Variants in LIMCH1 observed in about 807,000 individuals in gnomAD.
LIMCH1 encodes LIM and calponin homology domains-containing protein 1.
Under a neutral mutation model 176.5 loss-of-function variants are expected in LIMCH1, and 113 were observed. The ratio of observed to expected loss-of-function variants is 0.64; its 90% CI spans 0.55 to 0.75. The LOEUF (loss-of-function observed/expected upper bound fraction) is 0.75, where lower values mean the gene tolerates loss of function less well. Among genes scored for constraint, LIMCH1 ranks in the 30% least tolerant of loss-of-function variants. The pLI, the probability that LIMCH1 is intolerant of heterozygous loss-of-function variation, is 0.00. For missense variants in LIMCH1, 1,674 were observed against 1,814.9 expected, an observed-to-expected ratio of 0.92 and a Z score of 1.41; for synonymous variants, 619 against 645.9, an observed-to-expected ratio of 0.96 and a Z score of 0.63.
At chr4:41,427,767 C>T (rs2061243987) in intron 1 of LIMCH1, among the ~76,000 whole-genome samples, 1 of 152,116 alleles carries the variant, frequency 6.6e-6, no homozygotes, top group African/African-American at 2.4e-5. Flanking sequence ...CTTACCAAAA[C>T]AGGACGTCTT....
At chr4:41,656,184 GT>G (rs1484578928) in intron 18 of LIMCH1, among the ~76,000 whole-genome samples, 1 of 152,148 alleles carries the variant, frequency 6.6e-6, no homozygotes, top group Non-Finnish European at 1.5e-5. Context: ...CAGTACTTAT[GT>G]TTTCTGATCC....
intron 6 of LIMCH1, 68 bp downstream of exon 6, chr4:41,619,508 GA>G: frequency 6.3e-7 from 1 of 1,582,106 alleles, no homozygotes; most frequent in Non-Finnish European, 8.6e-7. Context: ...GCAGCTCCTG[GA>G]CAGGAACGAG....
intron 17 of LIMCH1, among the ~76,000 whole-genome samples, chr4:41,648,661 GTGT>G (rs1157098805): frequency 2.7e-5 from 3 of 109,794 alleles, no homozygotes; most frequent in African/African-American, 9.0e-5. Context: ...GGGTAGGGGT[GTGT>G]GTGTGTGTGT....
At chr4:41,371,033 A>G (rs745475259) in intron 1 of LIMCH1, among the ~76,000 whole-genome samples, 2 of 152,200 alleles carry the variant, frequency 1.3e-5, no homozygotes, top group Non-Finnish European at 2.9e-5. Flanking sequence ...CCGCTGCCTT[A>G]TCCTTAACAG....
At chr4:41,610,759 C>A (rs986878067) in intron 4 of LIMCH1, among the ~76,000 whole-genome samples, 1 of 152,132 alleles carries the variant, frequency 6.6e-6, no homozygotes, top group Non-Finnish European at 1.5e-5. Flanking sequence ...TTAAACCCAG[C>A]CAGTCGGTAT....
At chr4:41,495,690 A>G (rs918923055) in intron 2 of LIMCH1, among the ~76,000 whole-genome samples, 4 of 152,160 alleles carry the variant, frequency 2.6e-5, no homozygotes, top group African/African-American at 9.7e-5. Context: ...AATCATAATA[A>G]AAAATGTATA....
chr4:41,493,487 T>C (rs768258028), intron 1 of LIMCH1, among the ~76,000 whole-genome samples: 2 of 152,104 alleles, frequency 1.3e-5, no homozygotes, highest in Non-Finnish European at 2.9e-5. Context: ...GTTGTCATTA[T>C]TTCCTAAACA....
chr4:41,392,123 T>G (rs543099915), intron 1 of LIMCH1, among the ~76,000 whole-genome samples: 2 of 152,326 alleles, frequency 1.3e-5, no homozygotes, highest in East Asian at 3.9e-4. Flanking sequence ...GATTACTGTT[T>G]TCTTAATAGG....
intron 2 of LIMCH1, among the ~76,000 whole-genome samples, chr4:41,520,023 A>C (rs2075964106): frequency 6.6e-6 from 1 of 152,186 alleles, no homozygotes; most frequent in South Asian, 2.1e-4. Context: ...GATACCTATG[A>C]TTTTTAATAA....
chr4:41,370,760 C>T (rs1051779362), intron 1 of LIMCH1, among the ~76,000 whole-genome samples: 15 of 152,084 alleles, frequency 9.9e-5, no homozygotes, highest in African/African-American at 3.6e-4. Flanking sequence ...CATGTACAAG[C>T]GGTAGTCTAG....
chr4:41,655,416 A>G (rs892296691), intron 18 of LIMCH1, among the ~76,000 whole-genome samples: 4 of 152,204 alleles, frequency 2.6e-5, no homozygotes, highest in Non-Finnish European at 5.9e-5. Flanking sequence ...AAGTGGGAGT[A>G]AGGAAGTTAT....
intron 22 of LIMCH1, among the ~76,000 whole-genome samples, chr4:41,675,439 C>T (rs546600255): frequency 2.0e-5 from 3 of 152,088 alleles, no homozygotes; most frequent in South Asian, 2.1e-4. Context: ...GTTTCCCATC[C>T]CCCGTCAACT....
At chr4:41,684,665 C>A in intron 27 of LIMCH1, 147 bp downstream of exon 27, 1 of 811,322 alleles carries the variant, frequency 1.2e-6, no homozygotes, top group Non-Finnish European at 1.8e-6. Flanking sequence ...AGTGAATAAA[C>A]TTCTACCATC....
intron 1 of LIMCH1, among the ~76,000 whole-genome samples, chr4:41,368,918 T>G (rs2053530272): frequency 6.6e-6 from 1 of 152,190 alleles, no homozygotes; most frequent in African/African-American, 2.4e-5. Flanking sequence ...AAATAGAGGC[T>G]GTAGAGGCTG....
At position 41,382,243 on chromosome 4, in the gene LIMCH1, A is replaced by G. The variant is rs553984403; in HGVS notation, c.96+21307A>G. On this transcript the variant is annotated intron_variant, in intron 1 of 26. Coordinates refer to the LIMCH1 transcript ENST00000313860. ...GAGATGGAACTGGACAATTGGAAGT[A>G]GTCCAGTTGGGTGGGAACTTGACAA... 1.8e-3 allele frequency among the ~76,000 whole-genome samples: 269 copies of G among 152,346 alleles called. 1 individual carries two copies. The highest frequency in any genetic ancestry group is 3.0e-3 in the Non-Finnish European group (201 of 68,024).
At chr4:41,428,787 G>A (rs78216296) in intron 1 of LIMCH1, among the ~76,000 whole-genome samples, 5,059 of 152,148 alleles carry the variant, frequency 0.033, 103 homozygotes, top group Middle Eastern at 0.051. Flanking sequence ...TGGTATCTAA[G>A]TCATTTCCTG....
At chr4:41,518,185 C>T (rs2075777814) in intron 2 of LIMCH1, among the ~76,000 whole-genome samples, 1 of 152,148 alleles carries the variant, frequency 6.6e-6, no homozygotes. Context: ...AAGAATTTTA[C>T]CTTTAATGTT....
chr4:41,464,184 G>C (rs1160432641), intron 1 of LIMCH1, among the ~76,000 whole-genome samples: 1 of 151,126 alleles, frequency 6.6e-6, no homozygotes, highest in Non-Finnish European at 1.5e-5. Context: ...GCTTGCCGTT[G>C]TTCTCTGAGC....
At chr4:41,426,024 T>C (rs2154133444) in intron 1 of LIMCH1, among the ~76,000 whole-genome samples, 2 of 144,572 alleles carry the variant, frequency 1.4e-5, no homozygotes, top group East Asian at 3.9e-4. Flanking sequence ...ATTCTTTTTT[T>C]TTTTTTTTTT....
Sources: allele counts gnomAD v4.1 joint callset (sites outside exome capture counted in the v4.1 genomes callset), GRCh38; gene constraint gnomAD v4.1.1; transcripts MANE v1.5; gene names NCBI Gene and HGNC (gene_info 2026-07-23, HGNC 2026-07-21).